Variants in WDR45 observed in about 807,000 individuals in gnomAD.
The protein encoded by WDR45 is WD repeat domain phosphoinositide-interacting protein 4.
WDR45 carries 2 observed loss-of-function variants against 27.3 expected under a neutral mutation model. The observed-to-expected ratio is 0.07, with a 90% CI of 0.03 to 0.23. The LOEUF is 0.23. Among genes scored for constraint, WDR45 ranks in the 10% least tolerant of loss-of-function variants. The pLI is 1.00. For missense variants in WDR45, 175 were observed against 311.9 expected (o/e 0.56, Z 3.31); for synonymous variants, 99 against 119.2 (o/e 0.83, Z 1.11).
At chrX:49,088,554 GAC>G (rs1371777714) in intron 2 of WDR45, among the ~76,000 whole-genome samples, 2 of 112,223 alleles carry the variant, frequency 1.8e-5, no homozygotes, top group Non-Finnish European at 3.8e-5. Flanking sequence ...AACATACATG[GAC>G]ACACATTAGG....
At chrX:49,091,016 G>T (rs1463843886) in intron 2 of WDR45, among the ~76,000 whole-genome samples, 7 of 109,981 alleles carry the variant, frequency 6.4e-5, no homozygotes, top group African/African-American at 2.3e-4. Context: ...GTAGAGGCGG[G>T]GTTTCACCGT....
At chrX:49,097,388 G>A (rs930773134) in intron 2 of WDR45, among the ~76,000 whole-genome samples, 1 of 105,345 alleles carries the variant, frequency 9.5e-6, no homozygotes, top group Non-Finnish European at 2.0e-5. Flanking sequence ...GTGTGGTGGC[G>A]TGATCTGGGC....
intron 7 of WDR45, 24 bp downstream of exon 7, chrX:49,075,842 A>T (rs1557084111): frequency 8.3e-7 from 1 of 1,206,077 alleles, no homozygotes; most frequent in South Asian, 1.8e-5. Context: ...CAACCTACCC[A>T]CCCTTGTCCA....
chrX:49,076,899 G>A lies in WDR45; in HGVS notation c.236-149C>T, dbSNP rs782488100. On this transcript the variant is annotated intron_variant, in intron 4 of 10. Transcript: ENST00000376372. ...CCAGTGAGATCCTCGCACAGCACGA[G>A]CACTTGTGGATATGATCCCTGAGAG... 4 of 479,110 alleles carry A rather than the reference G, an allele frequency of 8.3e-6. 1 individual carries two copies. The Admixed American group carries it at 9.7e-5, about 12-fold the overall frequency. The allele number at this position is 479,110 out of a possible 1,213,427, so 39.5% of individuals were successfully genotyped here.
chrX:49,099,023 C>A (rs2065135879), intron 2 of WDR45, among the ~76,000 whole-genome samples: 2 of 111,527 alleles, frequency 1.8e-5, no homozygotes, highest in African/African-American at 6.5e-5. Flanking sequence ...CAGCCACTCT[C>A]AGAAACATCC....
intron 1 of WDR45, 107 bp from the exon 2 acceptor site, chrX:49,078,219 A>G: frequency 1.3e-6 from 1 of 776,760 alleles, no homozygotes; most frequent in Non-Finnish European, 1.9e-6. Flanking sequence ...CTCTGGAGTG[A>G]CTGCAAAAAA....
intron 1 of WDR45, 135 bp from the exon 2 acceptor site, chrX:49,078,247 C>T (rs2065049254): frequency 3.2e-6 from 2 of 615,929 alleles, no homozygotes; most frequent in East Asian, 3.6e-5. Flanking sequence ...ACAGGCCAGG[C>T]GTGGTGGCTT....
intron 1 of WDR45, among the ~76,000 whole-genome samples, chrX:49,078,446 CGA>C (rs1170412204): frequency 2.7e-5 from 3 of 111,486 alleles, no homozygotes; most frequent in African/African-American, 9.8e-5. Flanking sequence ...TGCTTGAACC[CGA>C]GAGGCTGAGA....
At chrX:49,077,958 G>A (rs782064990) in intron 2 of WDR45, 47 bp from the exon 3 acceptor site, 212 of 1,206,748 alleles carry the variant, frequency 1.8e-4, no homozygotes, top group Non-Finnish European at 2.3e-4. Flanking sequence ...TGCCCAGGTA[G>A]GAAGCTGGGG....
chrX:49,082,240 CCTTTACT>C (rs1275248684), upstream of WDR45: 9 of 108,355 alleles, frequency 8.3e-5, no homozygotes, highest in Non-Finnish European at 1.7e-4. Context: ...TGAAATCCCC[CCTTTACT>C]TTTTTTGAAG....
At chrX:49,084,331 T>A (rs1252421989), upstream of WDR45, among the ~76,000 whole-genome samples, 1 of 108,802 alleles carries the variant, frequency 9.2e-6, no homozygotes, top group Non-Finnish European at 1.9e-5. Context: ...ATTACAGGCA[T>A]GAGCCACCAT....
chrX:49,084,046 CTTTTTTCTTTTTT>C (rs2065078310), upstream of WDR45, among the ~76,000 whole-genome samples: 1 of 92,696 alleles, frequency 1.1e-5, no homozygotes, highest in Admixed American at 1.2e-4. Context: ...TTTTCTTTTT[CTTTTTTCTTTTTT>C]TTTTTTTTTT....
chrX:49,083,316 GTTTTTTTTTTT>G (rs781995765), upstream of WDR45, among the ~76,000 whole-genome samples: 1 of 72,040 alleles, frequency 1.4e-5, no homozygotes, highest in Non-Finnish European at 2.5e-5. Context: ...CCGGCCTCTC[GTTTTTTTTTTT>G]TTTTTTTTTT....
intron 1 of WDR45, among the ~76,000 whole-genome samples, chrX:49,078,555 A>G (rs2147818288): frequency 8.9e-6 from 1 of 111,775 alleles, no homozygotes; most frequent in Non-Finnish European, 1.9e-5. Context: ...AGAGAGTCCC[A>G]GGGTCTCTGC....
At chrX:49,088,875 T>G (rs1270320552) in intron 2 of WDR45, among the ~76,000 whole-genome samples, 2 of 110,730 alleles carry the variant, frequency 1.8e-5, no homozygotes. Flanking sequence ...CAAAAAGAAG[T>G]CACTAAACAG....
At chrX:49,096,387 C>T in intron 2 of WDR45, among the ~76,000 whole-genome samples, 1 of 111,128 alleles carries the variant, frequency 9.0e-6, no homozygotes, top group Admixed American at 9.7e-5. Flanking sequence ...CGCACCACCA[C>T]ACCCAGCTAA....
At chrX:49,087,741 G>A (rs183329730) in intron 2 of WDR45, among the ~76,000 whole-genome samples, 10 of 111,814 alleles carry the variant, frequency 8.9e-5, no homozygotes, top group African/African-American at 9.7e-5. Context: ...GGACAGGTGC[G>A]GTGGCTCACG....
chrX:49,093,779 T>C (rs1415253450), intron 2 of WDR45, among the ~76,000 whole-genome samples: 1 of 104,789 alleles, frequency 9.5e-6, no homozygotes, highest in Non-Finnish European at 2.0e-5. Context: ...CGGACTCAAG[T>C]GATTCTCCCA....
At chrX:49,083,967 GAAT>G (rs1770998791), upstream of WDR45, among the ~76,000 whole-genome samples, 1 of 92,852 alleles carries the variant, frequency 1.1e-5, no homozygotes, top group Non-Finnish European at 2.2e-5. Flanking sequence ...AAAAAAAAAA[GAAT>G]AAAAATTAAA....
Sources: gnomAD v4.1 joint callset for allele counts (sites outside exome capture counted in the v4.1 genomes callset) on GRCh38, gnomAD v4.1.1 for gene constraint, MANE v1.5 for transcripts, NCBI Gene and HGNC (gene_info 2026-07-23, HGNC 2026-07-21) for gene names.